LRP1B: variants seen among roughly 807,000 people sequenced by gnomAD.
The protein encoded by LRP1B is low-density lipoprotein receptor-related protein 1B.
Under a neutral mutation model 556.6 loss-of-function variants are expected in LRP1B, and 217 were observed. The ratio of observed to expected loss-of-function variants is 0.39; its 90% CI spans 0.35 to 0.44. LRP1B has a LOEUF of 0.44. LRP1B is among the 20% of genes least tolerant of loss of function. The pLI is 1.00. For synonymous variants in LRP1B, 2,047 were observed against 1,865.8 expected, an observed-to-expected ratio of 1.10 and a Z score of -2.50; for missense variants, 5,053 against 5,620.8, an observed-to-expected ratio of 0.90 and a Z score of 3.23.
At chr2:140,322,912 A>AAATT (rs34093975) in intron 81 of LRP1B, among the ~76,000 whole-genome samples, 20,848 of 151,930 alleles carry the variant, frequency 0.14, 1,524 homozygotes, top group African/African-American at 0.19. Flanking sequence ...CTATGAATAT[A>AAATT]AAAAAGAACT....
At chr2:141,798,366 T>C (rs79276823) in intron 2 of LRP1B, among the ~76,000 whole-genome samples, 1,625 of 152,178 alleles carry the variant, frequency 0.011, 36 homozygotes, top group African/African-American at 0.038. Flanking sequence ...TTAAAACAAG[T>C]AACAAGTAAT....
At chr2:141,889,798 G>C (rs796437583) in intron 1 of LRP1B, among the ~76,000 whole-genome samples, 33 of 152,256 alleles carry the variant, frequency 2.2e-4, no homozygotes, top group African/African-American at 7.9e-4. Context: ...AGGACACTGT[G>C]CTTGTCCTTG....
intron 32 of LRP1B, among the ~76,000 whole-genome samples, chr2:140,778,802 A>G (rs1486274065): frequency 2.0e-5 from 3 of 152,124 alleles, no homozygotes; most frequent in African/African-American, 7.2e-5. Context: ...ACATATATGA[A>G]CGCACACAAC....
At chr2:141,776,417 A>T (rs1337497766) in intron 2 of LRP1B, among the ~76,000 whole-genome samples, 1 of 152,248 alleles carries the variant, frequency 6.6e-6, no homozygotes, top group Non-Finnish European at 1.5e-5. Context: ...TCCATATCAT[A>T]GATGCTTCAC....
intron 37 of LRP1B, among the ~76,000 whole-genome samples, chr2:140,713,542 A>G (rs1224698751): frequency 6.6e-6 from 1 of 152,032 alleles, no homozygotes; most frequent in Non-Finnish European, 1.5e-5. Flanking sequence ...TAGCTTCTGT[A>G]TGTTGTTTGA....
intron 41 of LRP1B, among the ~76,000 whole-genome samples, chr2:140,694,885 TA>T (rs1268925382): frequency 6.6e-6 from 1 of 152,068 alleles, no homozygotes; most frequent in Non-Finnish European, 1.5e-5. Context: ...ATAGTGATCA[TA>T]TTTTTTTATT....
At chr2:141,175,892 C>A (rs1680713033) in intron 7 of LRP1B, among the ~76,000 whole-genome samples, 1 of 152,084 alleles carries the variant, frequency 6.6e-6, no homozygotes, top group African/African-American at 2.4e-5. Context: ...TGTAGGAGCC[C>A]ACCCCTTGTA....
chr2:141,947,352 G>A (rs1700980312), intron 1 of LRP1B, among the ~76,000 whole-genome samples: 3 of 152,026 alleles, frequency 2.0e-5, no homozygotes, highest in African/African-American at 7.2e-5. Flanking sequence ...CAGGAGAATT[G>A]CTTAAACCCA....
chr2:141,995,292 A>G (rs567906796), intron 1 of LRP1B, among the ~76,000 whole-genome samples: 6 of 152,220 alleles, frequency 3.9e-5, no homozygotes, highest in African/African-American at 1.4e-4. Flanking sequence ...TCCAAATTCT[A>G]CTAGCTGCCA....
At chr2:140,885,229 T>C (rs71417114) in intron 24 of LRP1B, among the ~76,000 whole-genome samples, 15,818 of 152,196 alleles carry the variant, frequency 0.1, 1,102 homozygotes, top group Admixed American at 0.15. Flanking sequence ...TGCTTAAATA[T>C]GACCATTTTT....
At chr2:141,702,471 A>C (rs1360406250) in intron 2 of LRP1B, among the ~76,000 whole-genome samples, 1 of 151,866 alleles carries the variant, frequency 6.6e-6, no homozygotes, top group Admixed American at 6.6e-5. Context: ...AACTACTTTC[A>C]ACATTTTATA....
At chr2:140,266,932 C>G (rs1162278554) in intron 86 of LRP1B, among the ~76,000 whole-genome samples, 2 of 151,986 alleles carry the variant, frequency 1.3e-5, no homozygotes, top group Non-Finnish European at 2.9e-5. Flanking sequence ...GAGGTTGTTA[C>G]AGCATAAAGA....
At chr2:140,340,078 CT>C (rs200529769) in intron 77 of LRP1B, among the ~76,000 whole-genome samples, 11 of 148,026 alleles carry the variant, frequency 7.4e-5, no homozygotes, top group East Asian at 4.0e-4. Context: ...TTTTGTTACT[CT>C]TTTTTTTTTA....
chr2:140,981,681 C>T (rs570179787), intron 18 of LRP1B, among the ~76,000 whole-genome samples: 7 of 152,198 alleles, frequency 4.6e-5, no homozygotes, highest in Middle Eastern at 3.4e-3. Context: ...CAGAATCATA[C>T]GACTCTACGG....
intron 41 of LRP1B, among the ~76,000 whole-genome samples, chr2:140,646,394 T>C (rs1413747129): frequency 6.6e-6 from 1 of 152,212 alleles, no homozygotes; most frequent in African/African-American, 2.4e-5. Context: ...ATGTAGATCA[T>C]TTCCCATCCT....
At chr2:141,947,964 A>G (rs566971014) in intron 1 of LRP1B, among the ~76,000 whole-genome samples, 1 of 152,154 alleles carries the variant, frequency 6.6e-6, no homozygotes, top group South Asian at 2.1e-4. Flanking sequence ...TTGTCAAGAC[A>G]CTTGCTGGTA....
chr2:141,550,433 G>A (rs1027872867), intron 2 of LRP1B, among the ~76,000 whole-genome samples: 1 of 151,928 alleles, frequency 6.6e-6, no homozygotes, highest in Non-Finnish European at 1.5e-5. Flanking sequence ...CAGATTTTTA[G>A]CTCCTTCAGG....
In LRP1B at chr2:141,012,977, C is replaced by T. The variant is rs192344041; in HGVS notation, c.2380+579G>A. On this transcript the variant is annotated intron_variant, in intron 14 of 90. Coordinates refer to ENST00000389484, the MANE Select transcript of LRP1B (RefSeq NM_018557.3). Reference sequence around the variant, plus strand: ...TCTGAGTAATGCTATGTGTAGATGTCCTAATGAGTATTAATAACTTATGCA... The same window carrying T: ...TCTGAGTAATGCTATGTGTAGATGTTCTAATGAGTATTAATAACTTATGCA... Among the ~76,000 whole-genome samples, 38 of 151,602 alleles carry T rather than the reference C, an allele frequency of 2.5e-4. 1 individual carries two copies. Among genetic ancestry groups the T allele is most frequent in the Admixed American group, 2.1e-3 (32 of 15,192 alleles).
At chr2:140,650,091 G>T (rs503560) in intron 41 of LRP1B, among the ~76,000 whole-genome samples, 1,843 of 151,794 alleles carry the variant, frequency 0.012, 32 homozygotes, top group African/African-American at 0.039. Flanking sequence ...TAAGCTACAC[G>T]AAAGAGACAA....
Sources: allele counts gnomAD v4.1 joint callset (sites outside exome capture counted in the v4.1 genomes callset), GRCh38; gene constraint gnomAD v4.1.1; transcripts MANE v1.5; gene names NCBI Gene and HGNC (gene_info 2026-07-23, HGNC 2026-07-21).